The following MACROD2 variants were observed in gnomAD, a reference collection of about 807,000 sequenced individuals.
The protein encoded by MACROD2 is ADP-ribose glycohydrolase MACROD2.
A neutral mutation model predicts 70.4 loss-of-function variants in MACROD2; 36 were observed. The observed-to-expected ratio is 0.51, with a 90% CI of 0.39 to 0.68. MACROD2 has a LOEUF of 0.68. Ranked by LOEUF, MACROD2 falls within the 30% of genes least tolerant of loss-of-function variation. The probability of loss-of-function intolerance (pLI) is 0.00; values close to 1 mark genes in which losing one functional copy is unlikely to be tolerated. For synonymous variants in MACROD2, 172 were observed against 178.8 expected, an observed-to-expected ratio of 0.96 and a Z score of 0.30; for missense variants, 496 against 538.4, an observed-to-expected ratio of 0.92 and a Z score of 0.78.
chr20:15,989,878 C>T (rs2066535044), intron 15 of MACROD2, among the ~76,000 whole-genome samples: 1 of 151,742 alleles, frequency 6.6e-6, no homozygotes, highest in Non-Finnish European at 1.5e-5. Context: ...CTTTTTCTCT[C>T]TTTTTTGTAG....
chr20:14,047,457 A>G (rs1389671224), intron 2 of MACROD2, among the ~76,000 whole-genome samples: 1 of 148,090 alleles, frequency 6.8e-6, no homozygotes, highest in Non-Finnish European at 1.5e-5. Context: ...TCCGTCTCAA[A>G]AAAAAAAAAA....
chr20:15,832,736 C>T (rs2064070435), intron 8 of MACROD2, among the ~76,000 whole-genome samples: 1 of 152,226 alleles, frequency 6.6e-6, no homozygotes, highest in Non-Finnish European at 1.5e-5. Flanking sequence ...AGACAAGTGA[C>T]AGGCAAATGG....
intron 6 of MACROD2, among the ~76,000 whole-genome samples, chr20:15,429,548 C>G (rs1600399440): frequency 6.6e-6 from 1 of 151,788 alleles, no homozygotes; most frequent in Non-Finnish European, 1.5e-5. Context: ...GAGCATCATG[C>G]AAAGGGAATA....
intron 11 of MACROD2, among the ~76,000 whole-genome samples, chr20:15,936,505 T>C (rs1025639382): frequency 6.8e-6 from 1 of 146,706 alleles, no homozygotes; most frequent in African/African-American, 2.5e-5. Context: ...ACTATATATA[T>C]ACTCTATATA....
chr20:14,455,111 A>G (rs2084287095), intron 3 of MACROD2, among the ~76,000 whole-genome samples: 1 of 151,804 alleles, frequency 6.6e-6, no homozygotes, highest in Admixed American at 6.6e-5. Flanking sequence ...ACATACAAAT[A>G]TGACTTCGCT....
chr20:15,200,836 A>G (rs574949852), intron 5 of MACROD2, among the ~76,000 whole-genome samples: 8 of 152,176 alleles, frequency 5.3e-5, no homozygotes, highest in Non-Finnish European at 1.0e-4. Context: ...TGGGCCTGAG[A>G]TTCTGCATTT....
intron 5 of MACROD2, among the ~76,000 whole-genome samples, chr20:15,103,439 A>G (rs2075888527): frequency 6.6e-6 from 1 of 152,064 alleles, no homozygotes; most frequent in African/African-American, 2.4e-5. Flanking sequence ...CTTATATCAG[A>G]CACTGACAAG....
chr20:14,923,380 T>A (rs1246378737), intron 5 of MACROD2, among the ~76,000 whole-genome samples: 1 of 152,162 alleles, frequency 6.6e-6, no homozygotes, highest in Non-Finnish European at 1.5e-5. Context: ...CTACTCAGTA[T>A]CTCCACTTGG....
chr20:14,485,951 A>G (rs1482776950), intron 3 of MACROD2, among the ~76,000 whole-genome samples: 1 of 152,092 alleles, frequency 6.6e-6, no homozygotes, highest in African/African-American at 2.4e-5. Flanking sequence ...CCTTATGACC[A>G]TCTGCACTAA....
chr20:14,675,682 A>G (rs191370457), intron 4 of MACROD2, among the ~76,000 whole-genome samples: 2 of 152,338 alleles, frequency 1.3e-5, no homozygotes, highest in South Asian at 2.1e-4. Context: ...TCATAATGAC[A>G]GGATCAAATT....
intron 6 of MACROD2, among the ~76,000 whole-genome samples, chr20:15,427,939 T>C (rs2046320004): frequency 6.6e-6 from 1 of 152,186 alleles, no homozygotes; most frequent in Admixed American, 6.5e-5. Flanking sequence ...TACTGATATC[T>C]AGCTGGTAGC....
intron 4 of MACROD2, among the ~76,000 whole-genome samples, chr20:14,515,475 A>G (rs6079467): frequency 3.2e-4 from 32 of 100,572 alleles, no homozygotes; most frequent in Non-Finnish European, 4.7e-4. Context: ...GCACACACAC[A>G]CACACACACA....
intron 3 of MACROD2, among the ~76,000 whole-genome samples, chr20:14,480,682 C>A (rs1236209924): frequency 3.9e-5 from 6 of 152,070 alleles, no homozygotes; most frequent in Admixed American, 3.9e-4. Context: ...CCACAGCTGG[C>A]CTGATGGAAC....
intron 8 of MACROD2, among the ~76,000 whole-genome samples, chr20:15,574,980 T>C (rs888334481): frequency 2.6e-5 from 4 of 152,154 alleles, no homozygotes; most frequent in Non-Finnish European, 5.9e-5. Flanking sequence ...TCGACTTTCT[T>C]TCTCTTTATA....
chr20:15,571,685 A>G (rs1051283642), intron 8 of MACROD2, among the ~76,000 whole-genome samples: 2 of 152,070 alleles, frequency 1.3e-5, no homozygotes, highest in African/African-American at 4.8e-5. Context: ...AAATATATGG[A>G]ATAACATTGG....
chr20:14,131,778 G>C (rs1422493126), intron 3 of MACROD2, among the ~76,000 whole-genome samples: 2 of 151,968 alleles, frequency 1.3e-5, no homozygotes, highest in African/African-American at 4.8e-5. Flanking sequence ...ACTCAGGTTG[G>C]AATACAATGG....
chr20:14,649,504 C>T (rs891178507), intron 4 of MACROD2, among the ~76,000 whole-genome samples: 3 of 152,072 alleles, frequency 2.0e-5, no homozygotes, highest in African/African-American at 7.2e-5. Flanking sequence ...ATCCAGCTCC[C>T]GAAGAGGAGT....
chr20:14,071,259 T>G lies in MACROD2; in HGVS notation c.164-14362T>G, dbSNP rs1308702365. Among the ~76,000 whole-genome samples, 89 of 106,248 alleles carry G rather than the reference T, an allele frequency of 8.4e-4. 2 individuals carry two copies. The highest frequency in any genetic ancestry group is 6.1e-4 in the African/African-American group (19 of 31,060). The allele number at this position is 106,248 out of a possible 152,430, so 69.7% of individuals were successfully genotyped here. A position where few individuals can be genotyped will look rare whatever the true frequency, so the allele number is the denominator to read the frequency against. On this transcript the variant is annotated intron_variant, in intron 2 of 17. Coordinates refer to ENST00000684519, the MANE Select transcript of MACROD2 (RefSeq NM_001351661.2). ...TTGGCCATTTCATCTTGTGTTTTTT[T>G]TTTTTTTTTTTTTTTTTTTGAGATG...
intron 7 of MACROD2, among the ~76,000 whole-genome samples, chr20:15,477,881 C>A (rs747050178): frequency 6.6e-6 from 1 of 151,978 alleles, no homozygotes; most frequent in Non-Finnish European, 1.5e-5. Flanking sequence ...GACAATGCAC[C>A]GTAACAGCAG....
Sources: gnomAD v4.1 joint callset for allele counts (sites outside exome capture counted in the v4.1 genomes callset) on GRCh38, gnomAD v4.1.1 for gene constraint, MANE v1.5 for transcripts, NCBI Gene and HGNC (gene_info 2026-07-23, HGNC 2026-07-21) for gene names.